The following SPOCK1 variants were observed in gnomAD, a reference collection of about 807,000 sequenced individuals.
SPOCK1 encodes testican-1.
In SPOCK1, 23 loss-of-function variants were observed where a neutral mutation model predicts 55.3. The ratio of observed to expected loss-of-function variants is 0.42; its 90% CI spans 0.30 to 0.59. The LOEUF is 0.59. Ranked by LOEUF, SPOCK1 falls within the 20% of genes least tolerant of loss-of-function variation. The pLI is 0.22. For missense variants in SPOCK1, 499 were observed against 552.5 expected (o/e 0.90, Z 0.97); for synonymous variants, 226 against 221.0 (o/e 1.02, Z -0.20).
chr5:137,130,217 C>T (rs1239441069), intron 4 of SPOCK1, among the ~76,000 whole-genome samples: 1 of 152,180 alleles, frequency 6.6e-6, no homozygotes, highest in Non-Finnish European at 1.5e-5. Flanking sequence ...TCTTAAACCA[C>T]TCCACTCTTA....
intron 2 of SPOCK1, among the ~76,000 whole-genome samples, chr5:137,412,684 G>A (rs1752235210): frequency 6.6e-6 from 1 of 152,224 alleles, no homozygotes; most frequent in Admixed American, 6.5e-5. Context: ...AAGAAGCCTT[G>A]GAACTTCAGT....
At chr5:137,000,563 G>A (rs992490885) in intron 6 of SPOCK1, among the ~76,000 whole-genome samples, 1 of 152,158 alleles carries the variant, frequency 6.6e-6, no homozygotes, top group Non-Finnish European at 1.5e-5. Context: ...GTGCCCCAGT[G>A]CTGGAAAAAT....
At chr5:137,402,613 G>A (rs1352043392) in intron 2 of SPOCK1, among the ~76,000 whole-genome samples, 1 of 152,262 alleles carries the variant, frequency 6.6e-6, no homozygotes, top group Middle Eastern at 3.4e-3. Flanking sequence ...GCAGCCCCCG[G>A]GGGTTAGACC....
intron 2 of SPOCK1, among the ~76,000 whole-genome samples, chr5:137,354,138 C>G (rs1315432791): frequency 6.6e-6 from 1 of 152,184 alleles, no homozygotes; most frequent in Non-Finnish European, 1.5e-5. Flanking sequence ...ACACTCATCC[C>G]GAAAGGTGTT....
At chr5:137,219,208 C>T (rs1180040811) in intron 3 of SPOCK1, among the ~76,000 whole-genome samples, 1 of 152,132 alleles carries the variant, frequency 6.6e-6, no homozygotes, top group African/African-American at 2.4e-5. Flanking sequence ...ATTAATGATG[C>T]TAAGATGACA....
At chr5:136,983,599 G>C (rs1400455308) in intron 9 of SPOCK1, among the ~76,000 whole-genome samples, 4 of 137,770 alleles carry the variant, frequency 2.9e-5, no homozygotes, top group African/African-American at 7.9e-5. Flanking sequence ...AACATGTAGA[G>C]AGCTGGCTCC....
rs140322694 is a variant in SPOCK1, at chr5:137,347,098, T to C, written c.187-80043A>G. Among the ~76,000 whole-genome samples, 983 of 152,240 alleles carry C rather than the reference T, an allele frequency of 6.5e-3. 17 individuals carry two copies. Among genetic ancestry groups the C allele is most frequent in the African/African-American group, 0.023 (943 of 41,546 alleles). ...CCAGGCCTGTCCTCTGTATCCTGGG[T>C]AGCCCTCCACCCTCCCTTGCACCAA... On this transcript the variant is annotated intron_variant, in intron 2 of 10. Coordinates refer to ENST00000394945, the MANE Select transcript of SPOCK1 (RefSeq NM_004598.4).
chr5:137,463,375 G>C (rs1753531299), intron 2 of SPOCK1, among the ~76,000 whole-genome samples: 1 of 152,168 alleles, frequency 6.6e-6, no homozygotes, highest in South Asian at 2.1e-4. Flanking sequence ...GATGGAACTG[G>C]AGATCGTTAT....
rs568370549 is a variant in SPOCK1 at position 137,320,879 on chromosome 5, CCAGT to C, written c.187-53828_187-53825del. Reference sequence around the variant, plus strand: ...TCACAAAGTAATGGGGAAACACAGCCCAGTCAAAGTTACAAAATAAATATCCAGA... The same window carrying C: ...TCACAAAGTAATGGGGAAACACAGCCCAAAGTTACAAAATAAATATCCAGA... On this transcript the variant is annotated intron_variant, in intron 2 of 10. Transcript: ENST00000394945. Among the ~76,000 whole-genome samples the C allele has an allele frequency of 5.7e-4, 87 of 151,890 alleles. 1 individual carries two copies. The South Asian group carries it at 0.017, about 30-fold the overall frequency.
chr5:137,112,290 T>C (rs1430330147), intron 5 of SPOCK1, 145 bp downstream of exon 5: 4 of 1,006,098 alleles, frequency 4.0e-6, no homozygotes, highest in African/African-American at 3.3e-5. Flanking sequence ...CCAGAGAACA[T>C]CTCTGAGTCT....
At chr5:137,085,692 C>T (rs915923685) in intron 5 of SPOCK1, among the ~76,000 whole-genome samples, 21 of 152,212 alleles carry the variant, frequency 1.4e-4, no homozygotes, top group Non-Finnish European at 2.8e-4. Flanking sequence ...ACGGTGATGA[C>T]GATGACAGAA....
At chr5:137,269,280 G>C (rs1345876316) in intron 2 of SPOCK1, among the ~76,000 whole-genome samples, 1 of 152,156 alleles carries the variant, frequency 6.6e-6, no homozygotes, top group East Asian at 1.9e-4. Flanking sequence ...GCCCAGCCAG[G>C]CCAAGCAGGG....
chr5:137,315,787 C>T (rs1473477307), intron 2 of SPOCK1, among the ~76,000 whole-genome samples: 1 of 152,224 alleles, frequency 6.6e-6, no homozygotes, highest in Non-Finnish European at 1.5e-5. Flanking sequence ...ATGATACAGA[C>T]AACTTATCCG....
intron 2 of SPOCK1, among the ~76,000 whole-genome samples, chr5:137,375,960 C>A (rs943883128): frequency 6.6e-6 from 1 of 152,186 alleles, no homozygotes; most frequent in East Asian, 1.9e-4. Context: ...CCTTCCTCTG[C>A]GCCTAGGAGC....
At chr5:137,464,797 G>A (rs1024041865) in intron 2 of SPOCK1, among the ~76,000 whole-genome samples, 4 of 152,206 alleles carry the variant, frequency 2.6e-5, no homozygotes, top group Non-Finnish European at 2.9e-5. Context: ...AGTGTGTCTT[G>A]AACCTAGGAG....
chr5:136,987,469 A>T (rs532248971), intron 8 of SPOCK1, among the ~76,000 whole-genome samples: 43 of 152,336 alleles, frequency 2.8e-4, no homozygotes, highest in African/African-American at 9.9e-4. Context: ...AGGTATTCTC[A>T]TATATCTTTG....
chr5:137,345,508 T>G (rs1234483385), intron 2 of SPOCK1, among the ~76,000 whole-genome samples: 2 of 152,236 alleles, frequency 1.3e-5, no homozygotes, highest in Non-Finnish European at 2.9e-5. Context: ...ACCTAGGGCT[T>G]GGTCAAAATA....
chr5:136,989,415 A>T (rs1451795559), intron 7 of SPOCK1, among the ~76,000 whole-genome samples: 1 of 152,230 alleles, frequency 6.6e-6, no homozygotes, highest in Non-Finnish European at 1.5e-5. Flanking sequence ...TTTCAGAATC[A>T]AAGGTCCCGT....
intron 6 of SPOCK1, among the ~76,000 whole-genome samples, chr5:137,043,842 C>A (rs915073770): frequency 1.3e-5 from 2 of 152,076 alleles, no homozygotes; most frequent in East Asian, 1.9e-4. Context: ...GATCCTGGAA[C>A]AGAAAAACGA....
Sources: gnomAD v4.1 joint callset for allele counts (sites outside exome capture counted in the v4.1 genomes callset) on GRCh38, gnomAD v4.1.1 for gene constraint, MANE v1.5 for transcripts, NCBI Gene and HGNC (gene_info 2026-07-23, HGNC 2026-07-21) for gene names.